Variants in MALRD1 observed in about 807,000 individuals in gnomAD.
The protein encoded by MALRD1 is MAM and LDL receptor class A domain containing 1, also known as MAM and LDL-receptor class A domain-containing protein 1.
A neutral mutation model predicts 242.1 loss-of-function variants in MALRD1; 247 were observed. The ratio of observed to expected loss-of-function variants is 1.02; its 90% CI spans 0.92 to 1.13. MALRD1 has a LOEUF of 1.13. Among genes scored for constraint, MALRD1 ranks in the 50% most tolerant of loss-of-function variants. The pLI, the probability that MALRD1 is intolerant of heterozygous loss-of-function variation, is 0.00. For synonymous variants in MALRD1, 995 were observed against 866.6 expected (o/e 1.15, Z -2.60); for missense variants, 2,989 against 2,533.1 (o/e 1.18, Z -3.86).
intron 14 of MALRD1, among the ~76,000 whole-genome samples, chr10:19,189,658 G>A (rs570755477): frequency 6.6e-6 from 1 of 151,906 alleles, no homozygotes; most frequent in Admixed American, 6.6e-5. Flanking sequence ...TTCAACCTAG[G>A]AATATCTGTC....
chr10:19,338,719 C>T (rs1206141057), intron 24 of MALRD1, among the ~76,000 whole-genome samples: 2 of 146,450 alleles, frequency 1.4e-5, no homozygotes, highest in Non-Finnish European at 3.0e-5. Flanking sequence ...GGGTATCCAT[C>T]TCCTCAAGCA....
In MALRD1 at chr10:19,246,637, C is replaced by A. The variant is rs12219293; in HGVS notation, c.2992-11047C>A. On this transcript the variant is annotated intron_variant, in intron 18 of 39. Coordinates refer to ENST00000454679, the MANE Select transcript of MALRD1 (RefSeq NM_001142308.3). ...AACAAAAAATAGAACTCAGGCTTAT[C>A]TTGTGACAGATGAAGCTGAGGTGAT... is the stretch of plus-strand genomic sequence containing the variant. 1.1e-4 allele frequency among the ~76,000 whole-genome samples: 16 copies of A among 152,214 alleles called. No individual in the cohort carries two copies. In the East Asian group the frequency reaches 2.9e-3, roughly 28 times the overall value.
chr10:19,530,747 C>T (rs1347059397), intron 31 of MALRD1, among the ~76,000 whole-genome samples: 1 of 151,910 alleles, frequency 6.6e-6, no homozygotes, highest in African/African-American at 2.4e-5. Flanking sequence ...CTTAGAATCA[C>T]ATTTCACTTT....
chr10:19,312,425 T>A (rs891209519), intron 21 of MALRD1, among the ~76,000 whole-genome samples: 5 of 149,448 alleles, frequency 3.3e-5, no homozygotes, highest in African/African-American at 9.9e-5. Flanking sequence ...TGTGTGTGTG[T>A]GTGAGAGAGA....
intron 18 of MALRD1, among the ~76,000 whole-genome samples, chr10:19,210,922 G>A (rs558712202): frequency 1.9e-4 from 29 of 152,062 alleles, no homozygotes; most frequent in Non-Finnish European, 2.5e-4. Context: ...ATGTGTAAGC[G>A]TGAGAATGAA....
chr10:19,484,898 C>G (rs1282040253), intron 29 of MALRD1, among the ~76,000 whole-genome samples: 1 of 152,128 alleles, frequency 6.6e-6, no homozygotes, highest in East Asian at 1.9e-4. Flanking sequence ...GCACAATTCA[C>G]AATTGCAAAG....
intron 28 of MALRD1, among the ~76,000 whole-genome samples, chr10:19,437,506 A>T (rs1003244103): frequency 2.6e-5 from 4 of 151,722 alleles, no homozygotes; most frequent in Admixed American, 1.3e-4. Context: ...GTCTTTTATT[A>T]TTATTATTAT....
At chr10:19,250,669 C>A (rs142252445) in intron 18 of MALRD1, among the ~76,000 whole-genome samples, 1 of 151,854 alleles carries the variant, frequency 6.6e-6, no homozygotes, top group Non-Finnish European at 1.5e-5. Flanking sequence ...CTGAAATGAA[C>A]TTTGTGGTTT....
chr10:19,598,293 G>A (rs1838199373), intron 34 of MALRD1: 1 of 152,072 alleles, frequency 6.6e-6, no homozygotes, highest in African/African-American at 2.4e-5. Flanking sequence ...CACTAGAGAA[G>A]TTTTTTTGAA....
intron 18 of MALRD1, among the ~76,000 whole-genome samples, chr10:19,222,163 C>T (rs1340039456): frequency 1.3e-5 from 2 of 151,982 alleles, no homozygotes; most frequent in African/African-American, 4.8e-5. Context: ...CTTGTTCCCT[C>T]CCTCCCTCTC....
intron 32 of MALRD1, among the ~76,000 whole-genome samples, chr10:19,559,288 G>T (rs1189767348): frequency 6.6e-6 from 1 of 151,544 alleles, no homozygotes; most frequent in East Asian, 1.9e-4. Flanking sequence ...TAATGCTTTG[G>T]GTCTTCTCTC....
At chr10:19,461,373 A>G (rs976746791) in intron 29 of MALRD1, among the ~76,000 whole-genome samples, 2 of 152,152 alleles carry the variant, frequency 1.3e-5, no homozygotes, top group African/African-American at 4.8e-5. Flanking sequence ...CCACTAGGTT[A>G]CTTTTTGGTC....
intron 14 of MALRD1, among the ~76,000 whole-genome samples, chr10:19,187,900 C>T (rs151300769): frequency 7.2e-5 from 11 of 152,242 alleles, no homozygotes; most frequent in African/African-American, 2.2e-4. Context: ...ACCTCAGCAT[C>T]GTGCAACATT....
At position 19,607,845 on chromosome 10, in the gene MALRD1, C is replaced by T. The variant is rs754758040; in HGVS notation, c.6013C>T (p.Arg2005Cys). 1.7e-5 allele frequency: 27 copies of T among 1,549,732 alleles called. No individual in the cohort carries two copies. The highest frequency in any genetic ancestry group is 1.7e-4 in the Middle Eastern group (1 of 5,982). ...SSNSCIPAHQ[R>C]CDGFADCMDF... Reference sequence around the variant, plus strand: ...CAACAGCTGTATCCCAGCCCACCAGCGCTGTGATGGTTTTGCCGACTGCAT... The same window carrying T: ...CAACAGCTGTATCCCAGCCCACCAGTGCTGTGATGGTTTTGCCGACTGCAT... Residue 2005 changes from arginine to cysteine, a missense_variant, in exon 35 of 40, where the codon CGC becomes TGC. Coordinates refer to ENST00000454679, the MANE Select transcript of MALRD1 (RefSeq NM_001142308.3).
chr10:19,680,609 T>C (rs973256808), intron 36 of MALRD1, among the ~76,000 whole-genome samples: 3 of 152,150 alleles, frequency 2.0e-5, no homozygotes, highest in African/African-American at 7.2e-5. Context: ...TTCTGTGTCT[T>C]TTAACTGGGG....
intron 5 of MALRD1, among the ~76,000 whole-genome samples, chr10:19,121,163 A>G (rs186612968): frequency 1.7e-3 from 253 of 147,694 alleles, no homozygotes; most frequent in African/African-American, 6.1e-3. Flanking sequence ...CCTGCCTCAG[A>G]TTTCCTGGCT....
chr10:19,692,746 A>G lies in MALRD1; in HGVS notation c.6314+192A>G, dbSNP rs193067903. Among the ~76,000 whole-genome samples, 699 of 150,158 alleles carry G rather than the reference A, an allele frequency of 4.7e-3. 7 individuals are homozygous for G. The highest frequency in any genetic ancestry group is 7.6e-3 in the Non-Finnish European group (516 of 67,608). ...CAAGAATTTCTCTTCTTTTTTTAGT[A>G]TAAAGCCTGAAGTTTACTTTTCAGA... On this transcript the variant is annotated intron_variant, in intron 38 of 39. Coordinates refer to ENST00000454679, the MANE Select transcript of MALRD1 (RefSeq NM_001142308.3).
At chr10:19,662,611 A>C (rs1257670816) in intron 36 of MALRD1, among the ~76,000 whole-genome samples, 1 of 152,186 alleles carries the variant, frequency 6.6e-6, no homozygotes, top group African/African-American at 2.4e-5. Context: ...TTAGTGATTT[A>C]CTCAAGGTCA....
chr10:19,389,456 C>G lies in MALRD1; in HGVS notation c.4692C>G (p.His1564Gln), dbSNP rs1417242505. The G allele has an allele frequency of 3.2e-6, 5 of 1,550,050 alleles. No individual in the cohort carries two copies. The African/African-American group carries it at 5.5e-5, about 17-fold the overall frequency. Residue 1564 changes from histidine (H) to glutamine (Q), a missense_variant, in exon 28 of 40, where the codon CAC becomes CAG. Coordinates refer to ENST00000454679, the MANE Select transcript of MALRD1 (RefSeq NM_001142308.3). ...KDHTLGNENG[H>Q]FMYLEATAVG... is the part of the protein sequence containing the mutation. The stretch of plus-strand genomic sequence containing the variant: ...GAATTCTGTCCTTGTTCCTAGGGCA[C>G]TTCATGTATCTGGAAGCTACTGCAG...
Sources: gnomAD v4.1 joint callset for allele counts (sites outside exome capture counted in the v4.1 genomes callset) on GRCh38, gnomAD v4.1.1 for gene constraint, MANE v1.5 for transcripts, NCBI Gene and HGNC (gene_info 2026-07-23, HGNC 2026-07-21) for gene names.